The following CNTLN variants were observed in gnomAD, a reference collection of about 807,000 sequenced individuals.
CNTLN encodes the protein centlein.
Under a neutral mutation model 180.0 loss-of-function variants are expected in CNTLN, and 212 were observed. The observed-to-expected ratio is 1.18, with a 90% CI of 1.05 to 1.32. The LOEUF (loss-of-function observed/expected upper bound fraction) is 1.32, where lower values mean the gene tolerates loss of function less well. CNTLN is among the 40% of genes most tolerant of loss of function. The pLI, the probability that CNTLN is intolerant of heterozygous loss-of-function variation, is 0.00. For synonymous variants in CNTLN, 722 were observed against 563.1 expected, an observed-to-expected ratio of 1.28 and a Z score of -3.99; for missense variants, 2,095 against 1,610.9, an observed-to-expected ratio of 1.30 and a Z score of -5.14.
chr9:17,359,717 T>TAAAAAAAAAAA (rs1456379699), intron 12 of CNTLN, among the ~76,000 whole-genome samples: 1,036 of 13,318 alleles, frequency 0.078, 139 homozygotes, highest in Non-Finnish European at 0.1. Flanking sequence ...CCGTCTATAC[T>TAAAAAAAAAAA]AAAAATACAA....
At chr9:17,500,997 T>A (rs73418361) in intron 25 of CNTLN, among the ~76,000 whole-genome samples, 1,985 of 152,326 alleles carry the variant, frequency 0.013, 30 homozygotes, top group African/African-American at 0.045. Context: ...ATAAGAGAAC[T>A]GATCATATTC....
intron 6 of CNTLN, among the ~76,000 whole-genome samples, chr9:17,291,791 T>A (rs1365857930): frequency 2.0e-5 from 3 of 152,222 alleles, no homozygotes; most frequent in Non-Finnish European, 4.4e-5. Context: ...AATCGGGGCA[T>A]TTAGCCCATT....
intron 9 of CNTLN, among the ~76,000 whole-genome samples, chr9:17,331,337 CAT>C (rs920064805): frequency 2.1e-5 from 3 of 144,176 alleles, no homozygotes; most frequent in Non-Finnish European, 3.0e-5. Flanking sequence ...GCAAATTTTA[CAT>C]GTTTCTCGTT....
intron 5 of CNTLN, among the ~76,000 whole-genome samples, chr9:17,264,407 CTG>C (rs1344068350): frequency 6.6e-6 from 1 of 151,218 alleles, no homozygotes; most frequent in East Asian, 2.0e-4. Context: ...ATCTATATCT[CTG>C]TTTTGGTACC....
intron 16 of CNTLN, among the ~76,000 whole-genome samples, chr9:17,414,158 A>T (rs1828057872): frequency 6.6e-6 from 1 of 152,206 alleles, no homozygotes; most frequent in Non-Finnish European, 1.5e-5. Context: ...TGGAATTTCA[A>T]GGTCACAAGG....
intron 2 of CNTLN, among the ~76,000 whole-genome samples, chr9:17,157,315 G>A (rs910045133): frequency 2.0e-5 from 3 of 152,124 alleles, no homozygotes; most frequent in Admixed American, 1.3e-4. Flanking sequence ...TTCCATTAGA[G>A]AGGTTTCAGG....
chr9:17,268,802 G>T (rs1419488440), intron 5 of CNTLN, among the ~76,000 whole-genome samples: 1 of 151,734 alleles, frequency 6.6e-6, no homozygotes, highest in Non-Finnish European at 1.5e-5. Context: ...TGCTGTGCTA[G>T]CAATCAGCGA....
intron 13 of CNTLN, among the ~76,000 whole-genome samples, chr9:17,384,019 C>T (rs1825481606): frequency 6.6e-6 from 1 of 151,776 alleles, no homozygotes; most frequent in Non-Finnish European, 1.5e-5. Flanking sequence ...ATATAAAGAT[C>T]GAAATTAAAA....
intron 4 of CNTLN, 61 bp downstream of exon 4, chr9:17,235,853 G>T: frequency 6.6e-7 from 1 of 1,520,640 alleles, no homozygotes; most frequent in Non-Finnish European, 8.8e-7. Flanking sequence ...TTTAAGCTTT[G>T]TTAGCCTTTG....
At chr9:17,407,103 G>T (rs1375263268) in intron 15 of CNTLN, among the ~76,000 whole-genome samples, 1 of 152,082 alleles carries the variant, frequency 6.6e-6, no homozygotes, top group Non-Finnish European at 1.5e-5. Flanking sequence ...ATGAATTCTG[G>T]GATACTGAAA....
intron 1 of CNTLN, among the ~76,000 whole-genome samples, chr9:17,139,516 G>A (rs948799197): frequency 2.0e-5 from 3 of 152,012 alleles, no homozygotes; most frequent in Non-Finnish European, 4.4e-5. Flanking sequence ...AAAAATTAGC[G>A]GAGTGTGGCA....
At chr9:17,326,224 A>G (rs1820280504) in intron 8 of CNTLN, among the ~76,000 whole-genome samples, 1 of 152,084 alleles carries the variant, frequency 6.6e-6, no homozygotes, top group African/African-American at 2.4e-5. Flanking sequence ...TTTTCTTCAG[A>G]TTAATTATAG....
At position 17,135,064 on chromosome 9, in the gene CNTLN, C is replaced by G. The variant is rs1184378356; in HGVS notation, c.-2C>G. 1.9e-6 allele frequency: 3 copies of G among 1,595,332 alleles called. No homozygotes were observed. The highest frequency in any genetic ancestry group is 1.1e-5 in the South Asian group (1 of 89,504). On this transcript the variant is annotated 5_prime_UTR_variant, in exon 1 of 26. Coordinates refer to ENST00000380647, the MANE Select transcript of CNTLN (RefSeq NM_017738.4). ...GAACTTGACCCGTTAGCAGCCGCAG[C>G]CATGGCGGCGCGTTCGCCTCCCTCA...
intron 6 of CNTLN, among the ~76,000 whole-genome samples, chr9:17,285,233 C>G (rs1828910896): frequency 6.8e-6 from 1 of 147,786 alleles, no homozygotes; most frequent in South Asian, 2.2e-4. Flanking sequence ...CAATTCCCAC[C>G]TATGAGTGAG....
intron 23 of CNTLN, among the ~76,000 whole-genome samples, chr9:17,470,128 A>G (rs16935681): frequency 0.046 from 6,998 of 151,962 alleles, 465 homozygotes; most frequent in African/African-American, 0.14. Context: ...ATTAAAGCCA[A>G]CTTGAGGAAA....
At position 17,394,127 on chromosome 9, in the gene CNTLN, CAT is replaced by C. The variant is rs564046095; in HGVS notation, c.2080-404_2080-403del. 3.9e-5 allele frequency among the ~76,000 whole-genome samples: 6 copies of C among 152,178 alleles called. No individual in the cohort carries two copies. The South Asian group carries it at 1.0e-3, about 26-fold the overall frequency. ...TTACTTTATATTGTCATTCCTTTTT[CAT>C]ATGATTGTCGAATATTGAAAAAAAG... On this transcript the variant is annotated intron_variant, in intron 14 of 25. Transcript: ENST00000380647.
chr9:17,460,798 T>C (rs1831404960), intron 19 of CNTLN, among the ~76,000 whole-genome samples: 1 of 151,810 alleles, frequency 6.6e-6, no homozygotes, highest in Admixed American at 6.6e-5. Context: ...CTCATTGCAT[T>C]GAAGATACTG....
At chr9:17,472,744 C>A (rs1257358553) in intron 23 of CNTLN, among the ~76,000 whole-genome samples, 2 of 152,090 alleles carry the variant, frequency 1.3e-5, no homozygotes, top group Non-Finnish European at 2.9e-5. Context: ...CAAAAATGTT[C>A]CCACTAAGAA....
chr9:17,348,364 C>T (rs1023968656), intron 12 of CNTLN, among the ~76,000 whole-genome samples: 9 of 152,056 alleles, frequency 5.9e-5, no homozygotes, highest in African/African-American at 1.7e-4. Flanking sequence ...TGATATCATG[C>T]CTGAGGGAGA....
Sources: gnomAD v4.1 joint callset for allele counts (sites outside exome capture counted in the v4.1 genomes callset) on GRCh38, gnomAD v4.1.1 for gene constraint, MANE v1.5 for transcripts, NCBI Gene and HGNC (gene_info 2026-07-23, HGNC 2026-07-21) for gene names.